Variants in SBF2 observed in about 807,000 individuals in gnomAD.
SBF2 encodes myotubularin-related protein 13.
SBF2 carries 112 observed loss-of-function variants against 225.2 expected under a neutral mutation model. That is an observed-to-expected ratio of 0.50 (90% CI 0.43 to 0.58). The LOEUF is 0.58. SBF2 is among the 20% of genes least tolerant of loss of function. The probability of loss-of-function intolerance (pLI) is 0.00; values close to 1 mark genes in which losing one functional copy is unlikely to be tolerated. For missense variants in SBF2, 1,996 were observed against 2,206.2 expected (o/e 0.90, Z 1.91); for synonymous variants, 763 against 773.3 (o/e 0.99, Z 0.22).
rs886642071 is a variant in SBF2, at chr11:10,216,950, T to C, written c.56-22963A>G. Among the ~76,000 whole-genome samples the C allele has an allele frequency of 5.9e-5, 9 of 152,162 alleles. No homozygotes were observed. In the East Asian group the frequency reaches 1.7e-3, roughly 29 times the overall value. ...AGAAAATGCAAATATTTAAATGATA[T>C]AAATAAATGCCTAAATGAATCTTTT... On this transcript the variant is annotated intron_variant, in intron 1 of 39. Coordinates refer to ENST00000256190, the MANE Select transcript of SBF2 (RefSeq NM_030962.4).
chr11:9,856,505 T>C lies in SBF2; in HGVS notation c.2316A>G (p.Ser772=), dbSNP rs1403027304. Reference sequence around the variant, plus strand: ...TTCCGCTCTCCCAGTCACCTGGCGCTGATGTTCTTAGGAGCTTGTTTTTAC... The same window carrying C: ...TTCCGCTCTCCCAGTCACCTGGCGCCGATGTTCTTAGGAGCTTGTTTTTAC... ...DTSKNKLLRT[S]APGDWESGSN... The change falls in exon 19 of 40, where the codon TCA becomes TCG. Residue 772 remains serine, a synonymous_variant. Coordinates refer to ENST00000256190, the MANE Select transcript of SBF2 (RefSeq NM_030962.4). The C allele has an allele frequency of 6.2e-7, 1 of 1,614,120 alleles. No individual in the cohort carries two copies. The highest frequency in any genetic ancestry group is 1.3e-5 in the African/African-American group (1 of 74,930).
intron 1 of SBF2, among the ~76,000 whole-genome samples, chr11:10,290,000 C>A (rs531308227): frequency 6.6e-6 from 1 of 152,250 alleles, no homozygotes; most frequent in Admixed American, 6.5e-5. Flanking sequence ...CTCCCATAGC[C>A]GCTCCTGACA....
chr11:10,060,942 A>T (rs151223429), intron 2 of SBF2, among the ~76,000 whole-genome samples: 1,750 of 152,158 alleles, frequency 0.012, 12 homozygotes, highest in Non-Finnish European at 0.017. Context: ...GCAGGAGAAT[A>T]GTGTGAACCT....
chr11:10,071,801 T>C (rs1300223903), intron 2 of SBF2, among the ~76,000 whole-genome samples: 3 of 152,204 alleles, frequency 2.0e-5, no homozygotes, highest in Non-Finnish European at 4.4e-5. Context: ...ATTACGTTTA[T>C]TGATTTGCAT....
intron 6 of SBF2, among the ~76,000 whole-genome samples, chr11:10,017,777 A>G (rs1276737408): frequency 6.6e-6 from 1 of 152,196 alleles, no homozygotes; most frequent in Non-Finnish European, 1.5e-5. Flanking sequence ...GCAATGTGGG[A>G]GACTAAATAT....
intron 1 of SBF2, among the ~76,000 whole-genome samples, chr11:10,212,745 C>A (rs1474634531): frequency 2.0e-5 from 3 of 152,202 alleles, no homozygotes; most frequent in Non-Finnish European, 4.4e-5. Flanking sequence ...TATCTTGAGT[C>A]TGATGGTTAA....
intron 13 of SBF2, among the ~76,000 whole-genome samples, chr11:9,972,112 T>G (rs1424966655): frequency 6.6e-6 from 1 of 152,190 alleles, no homozygotes; most frequent in African/African-American, 2.4e-5. Context: ...GGCCACTTAC[T>G]AGTAGTGTGA....
rs558310265 is a variant in SBF2 at position 9,966,595 on chromosome 11, C to A, written c.1600+1746G>T. 7.0e-4 allele frequency among the ~76,000 whole-genome samples: 106 copies of A among 151,802 alleles called. 1 individual carries two copies. In the South Asian group the frequency reaches 0.021, roughly 30 times the overall value. ...TCTTCCTCAATAGCTGAAAAAAAGA[C>A]AAAAGTTAGTAAAGGAAGACAACTC... On this transcript the variant is annotated intron_variant, in intron 14 of 39. Transcript: ENST00000256190.
At chr11:10,208,143 C>T (rs1957806183) in intron 1 of SBF2, among the ~76,000 whole-genome samples, 1 of 152,100 alleles carries the variant, frequency 6.6e-6, no homozygotes, top group Non-Finnish European at 1.5e-5. Flanking sequence ...CCTCTAACTT[C>T]TCTAAGCCTT....
rs58743421 is a variant in SBF2, at chr11:10,257,664, CAAAAAAAAAAAAA to C, written c.55+36338_55+36350del. Among the ~76,000 whole-genome samples the C allele has an allele frequency of 7.7e-5, 3 of 39,070 alleles. No homozygotes were observed. In the East Asian group the frequency reaches 2.7e-3, roughly 35 times the overall value. The allele number at this position is 39,070 out of a possible 152,430, so 25.6% of individuals were successfully genotyped here. ...TGGGTGACAGAGTGAGGCCTTGCCT[CAAAAAAAAAAAAA>C]AAAAAAAAAAAAAGAAATGCTGTAC... On this transcript the variant is annotated intron_variant, in intron 1 of 39. Coordinates refer to ENST00000256190, the MANE Select transcript of SBF2 (RefSeq NM_030962.4).
intron 1 of SBF2, among the ~76,000 whole-genome samples, chr11:10,238,063 C>T (rs1425079472): frequency 2.6e-5 from 4 of 152,082 alleles, no homozygotes; most frequent in Non-Finnish European, 5.9e-5. Context: ...TGATAACACT[C>T]CTATCAGATT....
At chr11:10,024,706 C>A (rs1948987506) in intron 6 of SBF2, among the ~76,000 whole-genome samples, 1 of 152,154 alleles carries the variant, frequency 6.6e-6, no homozygotes, top group Non-Finnish European at 1.5e-5. Flanking sequence ...CTTCCCTCCT[C>A]CCTGTACCCC....
chr11:10,262,180 T>A (rs1961509107), intron 1 of SBF2, among the ~76,000 whole-genome samples: 1 of 152,148 alleles, frequency 6.6e-6, no homozygotes, highest in South Asian at 2.1e-4. Context: ...CTGGTATCAA[T>A]AATTTACTGT....
chr11:10,098,679 G>GCA (rs56244507), intron 2 of SBF2, among the ~76,000 whole-genome samples: 11,003 of 130,666 alleles, frequency 0.084, 448 homozygotes, highest in Middle Eastern at 0.15. Context: ...GACAAAAAAT[G>GCA]CACACACACA....
chr11:9,876,689 G>A (rs983196712), intron 17 of SBF2, among the ~76,000 whole-genome samples: 9 of 152,150 alleles, frequency 5.9e-5, no homozygotes, highest in African/African-American at 2.2e-4. Flanking sequence ...TCCACTCTGT[G>A]GTATTTCGAT....
At position 9,852,729 on chromosome 11, in the gene SBF2, CAA is replaced by C; in HGVS notation, c.2555_2556del (p.Ile852ArgfsTer23). The C allele has an allele frequency of 6.2e-7, 1 of 1,612,746 alleles. No individual in the cohort carries two copies. Among genetic ancestry groups the C allele is most frequent in the Non-Finnish European group, 8.5e-7 (1 of 1,178,900 alleles). On this transcript the variant is annotated frameshift_variant, in exon 21 of 40. Transcript: ENST00000256190. LOFTEE classifies it high-confidence loss of function. ...CMIPGIVAMHIETLEAVHRES... is the reference protein window; with the variant it reads ...CMIPGIVAMHXETLEAVHRES... ...TCTCGATGTACTGCTTCTAGGGTCTCAATGTGCATAGCTACAATTCCTAGGAT... is the reference window on the plus strand; with the variant it reads ...TCTCGATGTACTGCTTCTAGGGTCTCTGTGCATAGCTACAATTCCTAGGAT...
chr11:10,292,713 G>A (rs957923697), intron 1 of SBF2, among the ~76,000 whole-genome samples: 7 of 151,776 alleles, frequency 4.6e-5, no homozygotes, highest in African/African-American at 1.7e-4. Context: ...TTAAAAGTGG[G>A]GAGGGGGGGA....
chr11:10,209,319 T>C (rs1459647194), intron 1 of SBF2, among the ~76,000 whole-genome samples: 1 of 151,940 alleles, frequency 6.6e-6, no homozygotes, highest in Non-Finnish European at 1.5e-5. Flanking sequence ...GTTTTTTTTT[T>C]TTTCCCATCT....
intron 16 of SBF2, among the ~76,000 whole-genome samples, chr11:9,923,028 G>C (rs1027613372): frequency 3.3e-5 from 5 of 152,034 alleles, no homozygotes; most frequent in African/African-American, 1.2e-4. Flanking sequence ...CACAGTGCTC[G>C]CCAGCTTGAA....
Sources: allele counts gnomAD v4.1 joint callset (sites outside exome capture counted in the v4.1 genomes callset), GRCh38; gene constraint gnomAD v4.1.1; transcripts MANE v1.5; gene names NCBI Gene and HGNC (gene_info 2026-07-23, HGNC 2026-07-21).